The following NBEAL2 variants were observed in gnomAD, a reference collection of about 807,000 sequenced individuals.
NBEAL2 encodes neurobeachin like 2.
A neutral mutation model predicts 299.8 loss-of-function variants in NBEAL2; 160 were observed. The observed-to-expected ratio is 0.53, with a 90% confidence interval of 0.47 to 0.61. The LOEUF is 0.61. Among genes scored for constraint, NBEAL2 ranks in the 20% least tolerant of loss-of-function variants. The pLI, the probability that NBEAL2 is intolerant of heterozygous loss-of-function variation, is 0.00. For missense variants in NBEAL2, 3,112 were observed against 3,649.0 expected (o/e 0.85, Z 3.79); for synonymous variants, 1,493 against 1,542.3 (o/e 0.97, Z 0.75).
At position 47,007,644 on chromosome 3, in the gene NBEAL2, G is replaced by A. The variant is rs769901586; in HGVS notation, c.7454G>A (p.Arg2485Gln). ...GGTGGCCACTGGGATGGCAGCCTGC[G>A]GGTGACTGCACTACCCCGTGGCAAG... Reference protein sequence around the residue: ...FSGGHWDGSLRVTALPRGKLL... With the variant: ...FSGGHWDGSLQVTALPRGKLL... Residue 2485 changes from arginine to glutamine, a missense_variant, in exon 48 of 54, where the codon CGG becomes CAG. By Grantham distance (43) the Arg-to-Gln change is conservative. Around this residue, in one of 3 missense-constraint regions of NBEAL2, gnomAD observed 348 missense variants for 381.4 expected, o/e 0.91. Transcript: ENST00000450053. The A allele has an allele frequency of 2.2e-5, 36 of 1,611,046 alleles. No homozygotes were observed. The highest frequency in any genetic ancestry group is 7.7e-5 in the South Asian group (7 of 90,616).
chr3:46,989,663 C>T lies in NBEAL2; in HGVS notation c.556+70C>T, dbSNP rs908294557. ...AGGCCCCTTCCTGTCGTTCCTTGATCCTGCCATACACAGGAACCACTTGGT... is the reference window on the plus strand; with the variant it reads ...AGGCCCCTTCCTGTCGTTCCTTGATTCTGCCATACACAGGAACCACTTGGT... On this transcript the variant is annotated intron_variant, in intron 6 of 53. Coordinates refer to ENST00000450053, the MANE Select transcript of NBEAL2 (RefSeq NM_015175.3). The surrounding 1 kb of genome is among the most constrained non-coding windows in gnomAD (Gnocchi z 5.5). 4 of 1,378,096 alleles carry T rather than the reference C, an allele frequency of 2.9e-6. No homozygotes were observed. In the African/African-American group the frequency reaches 4.3e-5, roughly 15 times the overall value. 85.4% of individuals were successfully genotyped at this position (1,378,096 alleles called of 1,614,324 possible). A position where few individuals can be genotyped will look rare whatever the true frequency, so the allele number is the denominator to read the frequency against.
chr3:47,007,290 A>G lies in NBEAL2; in HGVS notation c.7274A>G (p.Tyr2425Cys), dbSNP rs374246179. 3.1e-6 allele frequency: 5 copies of G among 1,612,604 alleles called. No individual in the cohort carries two copies. Among genetic ancestry groups the G allele is most frequent in the South Asian group, 2.2e-5 (2 of 90,768 alleles). Residue 2425 changes from tyrosine to cysteine, a missense_variant, in exon 47 of 54, where the codon TAT becomes TGT. Physicochemically the swap from Tyr to Cys is radical, Grantham distance 194. Transcript: ENST00000450053. ...CTGGGCACCCACAGCTGGTTGCCCT[A>G]TGACCGCAACATAAGCAACTACTTC... ...GLLGTHSWLP[Y>C]DRNISNYFSF...
intron 10 of NBEAL2, 111 bp from the exon 11 acceptor site, chr3:46,993,826 C>A: frequency 1.1e-6 from 1 of 917,916 alleles, no homozygotes; most frequent in Non-Finnish European, 1.7e-6. Flanking sequence ...GCTGATCCAG[C>A]ACATGCCACA....
At chr3:46,997,978 T>C (rs997471944) in intron 20 of NBEAL2, 89 bp from the exon 21 acceptor site, 21 of 1,436,462 alleles carry the variant, frequency 1.5e-5, no homozygotes, top group South Asian at 1.4e-5. Context: ...GTGGCCGTCA[T>C]GGCTGTGCAG....
In NBEAL2 at chr3:47,004,048, ACTCCCGTACCTGCTGTTC is replaced by A; in HGVS notation, c.5882-23_5882-6del. 6.2e-7 allele frequency: 1 copy of A among 1,603,114 alleles called. No individual in the cohort carries two copies. The highest frequency in any genetic ancestry group is 8.5e-7 in the Non-Finnish European group (1 of 1,173,054). On this transcript the variant is annotated splice_polypyrimidine_tract_variant and intron_variant, in intron 36 of 53. Coordinates refer to ENST00000450053, the MANE Select transcript of NBEAL2 (RefSeq NM_015175.3). The surrounding 1 kb of genome is among the most constrained non-coding windows in gnomAD (Gnocchi z 5.0). ...GCTCTGGGTGGGGCTGGGGTGAGTG[ACTCCCGTACCTGCTGTTC>A]CTCCCCATAGGCATCGGCTATGATT...
Position 47,009,070 on chromosome 3 carries a change from G to C in NBEAL2, c.8109G>C (p.Leu2703=). The C allele has an allele frequency of 1.9e-6, 3 of 1,602,444 alleles. No homozygotes were observed. Among genetic ancestry groups the C allele is most frequent in the Non-Finnish European group, 2.5e-6 (3 of 1,179,638 alleles). ...VAVTKERSHV[L]VGLEDGKLIV... Reference sequence around the variant, plus strand: ...TGACCAAGGAGCGCAGCCACGTGCTGGTGGGCCTGGAGGATGGCAAGCTCA... The same window carrying C: ...TGACCAAGGAGCGCAGCCACGTGCTCGTGGGCCTGGAGGATGGCAAGCTCA... The change falls in exon 53 of 54, where the codon CTG becomes CTC. Residue 2703 remains leucine, a synonymous_variant. Coordinates refer to ENST00000450053, the MANE Select transcript of NBEAL2 (RefSeq NM_015175.3).
At chr3:46,983,311 CTT>C (rs35275864) in intron 1 of NBEAL2, among the ~76,000 whole-genome samples, 3 of 131,134 alleles carry the variant, frequency 2.3e-5, no homozygotes, top group Non-Finnish European at 1.6e-5. Context: ...GGTCATATTC[CTT>C]TTTTTTTTTT....
At position 46,995,506 on chromosome 3, in the gene NBEAL2, A is replaced by C; in HGVS notation, c.1771A>C (p.Met591Leu). ...FDLTPSMAGI[M>L]VPPVQRWPGP... ...CCTCACGCCCAGCATGGCGGGCATCATGGTACCCCCTGTACAGCGATGGCC... is the reference window on the plus strand; with the variant it reads ...CCTCACGCCCAGCATGGCGGGCATCCTGGTACCCCCTGTACAGCGATGGCC... Residue 591 changes from methionine (M) to leucine (L), a missense_variant, in exon 13 of 54, where the codon ATG (methionine) becomes CTG (leucine). Transcript: ENST00000450053. 1 of 1,612,890 alleles carries C rather than the reference A, an allele frequency of 6.2e-7. No individual in the cohort carries two copies. Among genetic ancestry groups the C allele is most frequent in the Non-Finnish European group, 8.5e-7 (1 of 1,179,888 alleles).
In NBEAL2 at chr3:46,989,617, C is replaced by T. The variant is rs777095694; in HGVS notation, c.556+24C>T. On this transcript the variant is annotated intron_variant, in intron 6 of 53. Transcript: ENST00000450053. The surrounding 1 kb of genome is among the most constrained non-coding windows in gnomAD (Gnocchi z 5.5). ...AGGTCAGGCCCCGCCCCTGCCCCCA[C>T]TTGGCTCCACCCCCAAACCTAGGCC... 6.4e-7 allele frequency: 1 copy of T among 1,557,772 alleles called. No individual in the cohort carries two copies. The highest frequency in any genetic ancestry group is 8.7e-7 in the Non-Finnish European group (1 of 1,149,392).
intron 11 of NBEAL2, 88 bp from the exon 12 acceptor site, chr3:46,994,367 A>G: frequency 2.4e-6 from 3 of 1,254,280 alleles, no homozygotes; most frequent in Admixed American, 4.0e-5. Flanking sequence ...ACCCCAAAAC[A>G]TGATGCCCCT....
At position 47,000,171 on chromosome 3, in the gene NBEAL2, C is replaced by T. The variant is rs1156868981; in HGVS notation, c.4072C>T (p.Leu1358=). 4 of 1,613,742 alleles carry T rather than the reference C, an allele frequency of 2.5e-6. No homozygotes were observed. In the African/African-American group the frequency reaches 4.0e-5, roughly 16 times the overall value. The change falls in exon 27 of 54, where the codon CTG becomes TTG. Residue 1358 remains leucine, a synonymous_variant. Transcript: ENST00000450053. This position sits in a 1 kb window ranked among gnomAD's most constrained non-coding sequence, Gnocchi z 4.5. Reference sequence around the variant, plus strand: ...CTCCCCATTCTGCACGCCCTTTGACCTGGGCCTGGAACGGTCTAGTGTAGG... The same window carrying T: ...CTCCCCATTCTGCACGCCCTTTGACTTGGGCCTGGAACGGTCTAGTGTAGG... ...ALSPFCTPFD[L]GLERSSVGSG...
chr3:47,008,922 G>C, intron 52 of NBEAL2, 67 bp from the exon 53 acceptor site: 1 of 1,584,142 alleles, frequency 6.3e-7, no homozygotes, highest in Non-Finnish European at 8.6e-7. Flanking sequence ...TATGGGATAA[G>C]GGATATCTGC....
intron 44 of NBEAL2, 35 bp downstream of exon 44, chr3:47,006,297 C>A (rs749022341): frequency 6.2e-7 from 1 of 1,606,740 alleles, no homozygotes; most frequent in Non-Finnish European, 8.5e-7. Flanking sequence ...GCCAGGGATG[C>A]CCATGCCATG....
chr3:46,987,930 C>T, intron 1 of NBEAL2: 1 of 1,189,678 alleles, frequency 8.4e-7, no homozygotes, highest in East Asian at 6.1e-5. Flanking sequence ...GTCCCCCTCC[C>T]CCACCGTGAC....
At chr3:46,996,114 G>A (rs1393591540) in intron 15 of NBEAL2, 63 bp downstream of exon 15, 42 of 1,554,518 alleles carry the variant, frequency 2.7e-5, no homozygotes, top group Non-Finnish European at 3.1e-5. Context: ...ACAGTGGGCA[G>A]GTGTAGCCTG....
chr3:47,001,061 C>T lies in NBEAL2; in HGVS notation c.4366C>T (p.Arg1456Cys), dbSNP rs778773407. 16 of 1,612,332 alleles carry T rather than the reference C, an allele frequency of 9.9e-6. No homozygotes were observed. Among genetic ancestry groups the T allele is most frequent in the East Asian group, 4.5e-5 (2 of 44,878 alleles). Residue 1456 changes from arginine (R) to cysteine (C), a missense_variant, in exon 28 of 54, where the codon CGT becomes TGT. Physicochemically the swap from Arg to Cys is radical, Grantham distance 180. This residue lies in a region of NBEAL2 where 2,243 missense variants were observed against 2,538.1 expected (regional missense o/e 0.88). Transcript: ENST00000450053. The surrounding 1 kb of genome is among the most constrained non-coding windows in gnomAD (Gnocchi z 6.1). ...LTNVLFSVTW[R>C]GVEGSDEAAW... ...CAACGTGCTGTTCTCGGTGACGTGG[C>T]GTGGCGTGGAAGGCAGCGATGAGGC...
Position 47,008,680 on chromosome 3 carries a change from A to G in NBEAL2, c.8027+12A>G. The stretch of plus-strand genomic sequence containing the variant: ...CTCCAACTAAACACGTAAGCCCCCC[A>G]TTTATGGGTTCATGGCCCCTGAAGG... On this transcript the variant is annotated intron_variant, in intron 52 of 53. Transcript: ENST00000450053. 1.9e-6 allele frequency: 3 copies of G among 1,612,926 alleles called. No individual in the cohort carries two copies. Among genetic ancestry groups the G allele is most frequent in the Non-Finnish European group, 2.5e-6 (3 of 1,179,826 alleles).
chr3:46,981,676 T>C (rs1340752667), intron 1 of NBEAL2, among the ~76,000 whole-genome samples: 3 of 152,100 alleles, frequency 2.0e-5, no homozygotes, highest in African/African-American at 7.2e-5. Context: ...CCCATAGCTA[T>C]GGGCAGGCTC....
Position 46,997,037 on chromosome 3 carries a change from G to C in NBEAL2, c.2640G>C (p.Trp880Cys), listed in dbSNP as rs2036556242. 1 of 1,612,736 alleles carries C rather than the reference G, an allele frequency of 6.2e-7. No homozygotes were observed. Among genetic ancestry groups the C allele is most frequent in the South Asian group, 1.1e-5 (1 of 91,070 alleles). ...GRLTGHRVET[W>C]DVKDVVNCVG... ...TGACGGGCCACAGAGTGGAGACCTG[G>C]GATGTGAAGGTCTGTGAGCACGTGT... Residue 880 changes from tryptophan (W) to cysteine (C), a missense_variant, in exon 18 of 54, where the codon TGG becomes TGC. Trp to Cys is a radical substitution (Grantham distance 215). This residue lies in a region of NBEAL2 where 2,243 missense variants were observed against 2,538.1 expected (regional missense o/e 0.88). Transcript: ENST00000450053.
Sources: allele counts gnomAD v4.1 joint callset (sites outside exome capture counted in the v4.1 genomes callset), GRCh38; gene constraint gnomAD v4.1.1; regional missense constraint gnomAD v4.1.1; non-coding constraint Gnocchi (gnomAD v3.1); transcripts MANE v1.5; gene names NCBI Gene and HGNC (gene_info 2026-07-23, HGNC 2026-07-21).